The following GABRA5 variants were observed in gnomAD, a reference collection of about 807,000 sequenced individuals.
GABRA5 encodes gamma-aminobutyric acid receptor subunit alpha-5.
In GABRA5, 18 loss-of-function variants were observed where a neutral mutation model predicts 47.3. The ratio of observed to expected loss-of-function variants is 0.38; its 90% CI spans 0.26 to 0.56. The LOEUF (loss-of-function observed/expected upper bound fraction) is 0.56. Among genes scored for constraint, GABRA5 ranks in the 20% least tolerant of loss-of-function variants. The probability of loss-of-function intolerance (pLI) is 0.71; values close to 1 mark genes in which losing one functional copy is unlikely to be tolerated. For missense variants in GABRA5, 365 were observed against 599.3 expected (o/e 0.61, Z 4.08); for synonymous variants, 237 against 229.3 (o/e 1.03, Z -0.30).
At chr15:26,895,841 G>GAAA (rs1893178464) in intron 6 of GABRA5, among the ~76,000 whole-genome samples, 3 of 148,372 alleles carry the variant, frequency 2.0e-5, no homozygotes, top group Non-Finnish European at 4.4e-5. Context: ...AGAAGAAGAA[G>GAAA]AAGAAAAAGA....
intron 7 of GABRA5, 119 bp from the exon 8 acceptor site, chr15:26,937,066 G>T: frequency 7.8e-7 from 1 of 1,280,294 alleles, no homozygotes; most frequent in Non-Finnish European, 1.1e-6. Context: ...TTAGGTCATG[G>T]AACCTTGACT....
intron 7 of GABRA5, among the ~76,000 whole-genome samples, chr15:26,932,538 A>G (rs1894133332): frequency 1.3e-5 from 2 of 152,244 alleles, no homozygotes; most frequent in African/African-American, 4.8e-5. Flanking sequence ...TAGTTCAACC[A>G]TTGTGAAAGA....
intron 7 of GABRA5, among the ~76,000 whole-genome samples, chr15:26,935,661 C>T (rs567190212): frequency 8.2e-4 from 125 of 152,324 alleles, no homozygotes; most frequent in Non-Finnish European, 1.4e-3. Flanking sequence ...CCACACTTCA[C>T]GAATCCCATC....
chr15:26,900,822 T>C (rs1325219613), intron 6 of GABRA5, among the ~76,000 whole-genome samples: 3 of 152,158 alleles, frequency 2.0e-5, no homozygotes, highest in East Asian at 1.9e-4. Flanking sequence ...AGGAGTATTT[T>C]TGTTGCTCTA....
At chr15:26,874,572 A>G (rs1164159885) in intron 3 of GABRA5, among the ~76,000 whole-genome samples, 1 of 152,160 alleles carries the variant, frequency 6.6e-6, no homozygotes, top group Non-Finnish European at 1.5e-5. Context: ...ACCAAAGAAT[A>G]TCCTAATCTA....
rs145985835 is a variant in GABRA5, at chr15:26,896,627, G to T, written c.497+13070G>T. 5.4e-4 allele frequency among the ~76,000 whole-genome samples: 82 copies of T among 152,178 alleles called. No individual in the cohort carries two copies. The South Asian group carries it at 6.6e-3, about 12-fold the overall frequency. On this transcript the variant is annotated intron_variant, in intron 6 of 10. Transcript: ENST00000335625. ...TAATAATTTATTATTTCAATTTATA[G>T]TACCCCAAAATAGGAGTTGGTAGGT...
chr15:26,914,657 G>A (rs377652244), intron 6 of GABRA5, 146 bp from the exon 7 acceptor site: 13 of 637,474 alleles, frequency 2.0e-5, no homozygotes, highest in African/African-American at 9.1e-5. Context: ...ACAAACTTAC[G>A]TAATTTGGTG....
chr15:26,914,308 G>C (rs1052304349), intron 6 of GABRA5, among the ~76,000 whole-genome samples: 1 of 152,144 alleles, frequency 6.6e-6, no homozygotes, highest in Non-Finnish European at 1.5e-5. Flanking sequence ...TGCACTAAAT[G>C]TACCACGTGA....
At chr15:26,935,884 G>T (rs1244493016) in intron 7 of GABRA5, among the ~76,000 whole-genome samples, 1 of 152,182 alleles carries the variant, frequency 6.6e-6, no homozygotes, top group African/African-American at 2.4e-5. Flanking sequence ...CCTGTGCTCT[G>T]CACACTGTTT....
At chr15:26,874,968 A>G (rs1375015331) in intron 3 of GABRA5, among the ~76,000 whole-genome samples, 1 of 152,218 alleles carries the variant, frequency 6.6e-6, no homozygotes, top group Non-Finnish European at 1.5e-5. Flanking sequence ...ATCTCTGTCC[A>G]CATGCTCTCT....
intron 6 of GABRA5, among the ~76,000 whole-genome samples, chr15:26,894,348 G>A (rs577364037): frequency 3.3e-5 from 5 of 152,282 alleles, no homozygotes; most frequent in African/African-American, 9.6e-5. Flanking sequence ...CACAGGCCGC[G>A]CCTGCACCCA....
At chr15:26,878,450 C>A (rs1892650306) in intron 3 of GABRA5, among the ~76,000 whole-genome samples, 1 of 151,902 alleles carries the variant, frequency 6.6e-6, no homozygotes, top group African/African-American at 2.4e-5. Flanking sequence ...GCAGATGAAG[C>A]ATTTTTGAGG....
At chr15:26,933,747 A>G (rs1249975219) in intron 7 of GABRA5, among the ~76,000 whole-genome samples, 2 of 152,102 alleles carry the variant, frequency 1.3e-5, no homozygotes, top group Admixed American at 1.3e-4. Flanking sequence ...TTCCCATTTG[A>G]TCTTGGGCAA....
chr15:26,896,517 T>A (rs2140275029), intron 6 of GABRA5, among the ~76,000 whole-genome samples: 1 of 152,328 alleles, frequency 6.6e-6, no homozygotes, highest in Non-Finnish European at 1.5e-5. Context: ...GAAGAACAAA[T>A]AATGTTTACT....
intron 6 of GABRA5, among the ~76,000 whole-genome samples, chr15:26,890,326 A>G (rs1005845230): frequency 6.6e-6 from 1 of 152,148 alleles, no homozygotes; most frequent in African/African-American, 2.4e-5. Flanking sequence ...ACAAAAATGA[A>G]CATGAAATTT....
At chr15:26,946,968 A>G (rs1894526515) in intron 10 of GABRA5, among the ~76,000 whole-genome samples, 2 of 152,164 alleles carry the variant, frequency 1.3e-5, no homozygotes, top group South Asian at 2.1e-4. Flanking sequence ...ACACAGCAAT[A>G]TGGGTGATTC....
At chr15:26,934,863 G>A (rs1894199462) in intron 7 of GABRA5, among the ~76,000 whole-genome samples, 1 of 152,176 alleles carries the variant, frequency 6.6e-6, no homozygotes, top group Admixed American at 6.5e-5. Flanking sequence ...GACAGGCAGG[G>A]TCAACTCAGG....
intron 4 of GABRA5, among the ~76,000 whole-genome samples, chr15:26,882,129 C>G (rs989647015): frequency 6.6e-6 from 1 of 152,208 alleles, no homozygotes; most frequent in Non-Finnish European, 1.5e-5. Flanking sequence ...GTGTGCCCAG[C>G]AGTCCAGTCC....
rs1277383728 is a variant in GABRA5 at position 26,948,586 on chromosome 15, C to T, written c.*353C>T. 1 of 189,924 alleles carries T rather than the reference C, an allele frequency of 5.3e-6. No homozygotes were observed. Among genetic ancestry groups the T allele is most frequent in the Non-Finnish European group, 1.1e-5 (1 of 91,268 alleles). The allele number at this position is 189,924 out of a possible 1,614,324, so 11.8% of individuals were successfully genotyped here. ...TTTATACTTCAAATGTCATTTCATA[C>T]AAATTTTCCCAGTGAATAAATATTT... On this transcript the variant is annotated 3_prime_UTR_variant, in exon 11 of 11. Transcript: ENST00000335625.
Sources: gnomAD v4.1 joint callset for allele counts (sites outside exome capture counted in the v4.1 genomes callset) on GRCh38, gnomAD v4.1.1 for gene constraint, MANE v1.5 for transcripts, NCBI Gene and HGNC (gene_info 2026-07-23, HGNC 2026-07-21) for gene names.